The following ELAPOR1 variants were observed in gnomAD, a reference collection of about 807,000 sequenced individuals.
ELAPOR1 encodes endosome-lysosome associated apoptosis and autophagy regulator 1, also known as endosome/lysosome-associated apoptosis and autophagy regulator 1.
In ELAPOR1, 77 loss-of-function variants were observed where a neutral mutation model predicts 119.7. The ratio of observed to expected loss-of-function variants is 0.64; its 90% confidence interval spans 0.54 to 0.78. ELAPOR1 has a LOEUF of 0.78. Among genes scored for constraint, ELAPOR1 ranks in the 30% least tolerant of loss-of-function variants. The probability of loss-of-function intolerance (pLI) is 0.00; values close to 1 mark genes in which losing one functional copy is unlikely to be tolerated. For missense variants in ELAPOR1, 1,115 were observed against 1,270.4 expected (o/e 0.88, Z 1.86); for synonymous variants, 481 against 487.2 (o/e 0.99, Z 0.17).
At chr1:109,126,002 T>G (rs1036596095) in intron 1 of ELAPOR1, among the ~76,000 whole-genome samples, 4 of 152,236 alleles carry the variant, frequency 2.6e-5, no homozygotes, top group Non-Finnish European at 5.9e-5. Context: ...CTCTTTCACA[T>G]TTCCCCACTT....
At chr1:109,189,017 G>A (rs1431591226) in intron 9 of ELAPOR1, 49 bp from the exon 10 acceptor site, 1 of 1,602,488 alleles carries the variant, frequency 6.2e-7, no homozygotes, top group Non-Finnish European at 8.5e-7. Context: ...CAGTCAGAGT[G>A]ACTGCAGCCT....
At chr1:109,115,272 T>C (rs1012481779) in intron 1 of ELAPOR1, among the ~76,000 whole-genome samples, 2 of 152,188 alleles carry the variant, frequency 1.3e-5, no homozygotes, top group Non-Finnish European at 2.9e-5. Flanking sequence ...ATAAGATATT[T>C]ACAAGAACTA....
At chr1:109,198,759 G>A in intron 18 of ELAPOR1, 85 bp downstream of exon 18, 5 of 1,238,502 alleles carry the variant, frequency 4.0e-6, no homozygotes, top group South Asian at 4.0e-5. Flanking sequence ...CTGAAAAAGA[G>A]CAAAAAAGAA....
chr1:109,171,313 C>A (rs545934057), intron 3 of ELAPOR1, among the ~76,000 whole-genome samples: 1 of 151,926 alleles, frequency 6.6e-6, no homozygotes, highest in Non-Finnish European at 1.5e-5. Flanking sequence ...TTTTTGAGGC[C>A]GAGGTGGGTG....
chr1:109,198,094 G>GTTTCACTTGCATTAGCCTAGC lies in ELAPOR1; in HGVS notation c.2399+19_2399+20insTTTCACTTGCATTAGCCTAGC. The GTTTCACTTGCATTAGCCTAGC allele has an allele frequency of 6.3e-7, 1 of 1,585,506 alleles. No homozygotes were observed. The highest frequency in any genetic ancestry group is 8.7e-7 in the Non-Finnish European group (1 of 1,154,092). Reference sequence around the variant, plus strand: ...TTTATAGGTGAAGATGAGAGGCTAGGCTAATGCAAGTGAAACCTAGGACTC... The same window carrying GTTTCACTTGCATTAGCCTAGC: ...TTTATAGGTGAAGATGAGAGGCTAGGTTTCACTTGCATTAGCCTAGCCTAATGCAAGTGAAACCTAGGACTC... On this transcript the variant is annotated intron_variant, in intron 17 of 21. Coordinates refer to ENST00000369939, the MANE Select transcript of ELAPOR1 (RefSeq NM_020775.5).
chr1:109,142,287 G>A (rs918512526), intron 1 of ELAPOR1, among the ~76,000 whole-genome samples: 4 of 152,186 alleles, frequency 2.6e-5, no homozygotes, highest in South Asian at 2.1e-4. Flanking sequence ...ACTAGAAGAC[G>A]TATAGGTAGA....
intron 1 of ELAPOR1, among the ~76,000 whole-genome samples, chr1:109,151,068 C>T (rs1650505790): frequency 1.3e-5 from 2 of 152,066 alleles, no homozygotes; most frequent in African/African-American, 4.8e-5. Context: ...TTAAGGACCC[C>T]TGTCTTGTGG....
At chr1:109,115,684 C>T (rs1170762402) in intron 1 of ELAPOR1, among the ~76,000 whole-genome samples, 10 of 152,094 alleles carry the variant, frequency 6.6e-5, no homozygotes. Flanking sequence ...CACAGCAGGT[C>T]ATAAAGAAGT....
At chr1:109,140,040 G>C (rs1343043809) in intron 1 of ELAPOR1, among the ~76,000 whole-genome samples, 3 of 152,176 alleles carry the variant, frequency 2.0e-5, no homozygotes, top group African/African-American at 7.2e-5. Context: ...TGGGATTACA[G>C]GCGTGAGCCA....
At chr1:109,123,322 C>T (rs1213625712) in intron 1 of ELAPOR1, among the ~76,000 whole-genome samples, 1 of 152,156 alleles carries the variant, frequency 6.6e-6, no homozygotes, top group Non-Finnish European at 1.5e-5. Context: ...TGGCTAATTA[C>T]TAGGAAAGAA....
rs746129223 is a variant in ELAPOR1 at position 109,197,583 on chromosome 1, TC to T, written c.2237del (p.Pro746GlnfsTer3). 1.2e-6 allele frequency: 2 copies of T among 1,613,992 alleles called. No individual in the cohort carries two copies. The highest frequency in any genetic ancestry group is 2.2e-5 in the South Asian group (2 of 91,080). On this transcript the variant is annotated frameshift_variant, in exon 16 of 22. Coordinates refer to ENST00000369939, the MANE Select transcript of ELAPOR1 (RefSeq NM_020775.5). LOFTEE classifies it high-confidence loss of function. ...ITAYVCQAVI[I>X]PPEVTGYKAG... ...GCCTACGTCTGCCAGGCAGTCATCA[TC>T]CCCCCAGAGGTGACAGGCTACAAGG...
At chr1:109,187,318 G>A (rs946409465) in intron 8 of ELAPOR1, 2 of 985,356 alleles carry the variant, frequency 2.0e-6, no homozygotes, top group African/African-American at 1.7e-5. Flanking sequence ...GGCTGTCGCA[G>A]CCCTCCGCAG....
intron 1 of ELAPOR1, among the ~76,000 whole-genome samples, chr1:109,133,171 G>A (rs1327049873): frequency 1.3e-5 from 2 of 152,144 alleles, no homozygotes; most frequent in South Asian, 2.1e-4. Flanking sequence ...TTGAGGGTGC[G>A]GTGAGCTCTG....
At chr1:109,177,198 C>G (rs1172535559) in intron 7 of ELAPOR1, among the ~76,000 whole-genome samples, 1 of 150,344 alleles carries the variant, frequency 6.7e-6, no homozygotes, top group Non-Finnish European at 1.5e-5. Context: ...AGAGGCGCCC[C>G]TCACCTCCTG....
intron 1 of ELAPOR1, among the ~76,000 whole-genome samples, chr1:109,132,452 G>A (rs1440262380): frequency 6.6e-6 from 1 of 152,080 alleles, no homozygotes; most frequent in Non-Finnish European, 1.5e-5. Context: ...AGCCTGCCAG[G>A]CATTATTTAT....
At chr1:109,133,897 T>C (rs1235289737) in intron 1 of ELAPOR1, among the ~76,000 whole-genome samples, 1 of 152,166 alleles carries the variant, frequency 6.6e-6, no homozygotes. Flanking sequence ...TGGCATCCTG[T>C]CTTAATTTCT....
chr1:109,189,688 G>A lies in ELAPOR1; in HGVS notation c.1439+6G>A, dbSNP rs1653304545. 6.2e-7 allele frequency: 1 copy of A among 1,612,582 alleles called. No individual in the cohort carries two copies. Among genetic ancestry groups the A allele is most frequent in the East Asian group, 2.2e-5 (1 of 44,874 alleles). ...CTGGTTGTGCCAGGATTTAGGTGAG[G>A]AATCCAAAGCCCAGGGGAGTCCAGG... On this transcript the variant is annotated splice_donor_region_variant and intron_variant, in intron 11 of 21. Transcript: ENST00000369939.
At chr1:109,141,590 A>C (rs1485132527) in intron 1 of ELAPOR1, among the ~76,000 whole-genome samples, 3 of 152,134 alleles carry the variant, frequency 2.0e-5, no homozygotes, top group Non-Finnish European at 4.4e-5. Flanking sequence ...CTGAAGAGCC[A>C]GTATTGCCAC....
intron 1 of ELAPOR1, among the ~76,000 whole-genome samples, chr1:109,138,834 CAA>C (rs150398954): frequency 8.4e-5 from 9 of 107,300 alleles, no homozygotes; most frequent in African/African-American, 1.1e-4. Context: ...AACTCCATCT[CAA>C]AAAAAAAAAA....
Sources: gnomAD v4.1 joint callset for allele counts (sites outside exome capture counted in the v4.1 genomes callset) on GRCh38, gnomAD v4.1.1 for gene constraint, MANE v1.5 for transcripts, NCBI Gene and HGNC (gene_info 2026-07-23, HGNC 2026-07-21) for gene names.